Variants in YTHDF3 observed in about 807,000 individuals in gnomAD.
The protein encoded by YTHDF3 is YTH N6-methyladenosine RNA binding protein F3, also known as YTH domain-containing family protein 3.
A neutral mutation model predicts 52.5 loss-of-function variants in YTHDF3; 9 were observed. The ratio of observed to expected loss-of-function variants is 0.17; its 90% CI spans 0.10 to 0.30. The LOEUF is 0.30. YTHDF3 is among the 10% of genes least tolerant of loss of function. The pLI is 1.00. For synonymous variants in YTHDF3, 274 were observed against 243.3 expected (o/e 1.13, Z -1.18); for missense variants, 534 against 715.0 (o/e 0.75, Z 2.89).
rs1808540441 is a variant in YTHDF3, at chr8:63,186,821, A to G, written c.810A>G (p.Ile270Met). The G allele has an allele frequency of 1.9e-6, 3 of 1,614,016 alleles. No individual in the cohort carries two copies. The highest frequency in any genetic ancestry group is 2.2e-5 in the East Asian group (1 of 44,886). ...IGGSAVPPPP[I>M]KHNMNIGTWD... ...GTTCTGCTGTACCACCACCTCCTAT[A>G]AAACACAACATGAATATTGGAACTT... The change falls in exon 4 of 5, where the codon ATA becomes ATG. Residue 270 changes from isoleucine (I) to methionine (M), a missense_variant. This residue lies in a region of YTHDF3 where 203 missense variants were observed against 201.3 expected (regional missense o/e 1.01). Transcript: ENST00000539294.
At position 63,173,819 on chromosome 8, in the gene YTHDF3, C is replaced by G. The variant is rs550938431; in HGVS notation, c.50-1512C>G. The G allele has an allele frequency of 2.3e-5, 7 of 299,592 alleles. No homozygotes were observed. In the South Asian group the frequency reaches 6.4e-4, roughly 27 times the overall value. The allele number at this position is 299,592 out of a possible 1,614,324, so 18.6% of individuals were successfully genotyped here. ...TCCATGGAGCATATTTAGCTCAATCCTAGTTCTGATGCAGTCCTTATCAGA... is the reference window on the plus strand; with the variant it reads ...TCCATGGAGCATATTTAGCTCAATCGTAGTTCTGATGCAGTCCTTATCAGA... On this transcript the variant is annotated intron_variant, in intron 2 of 4. Transcript: ENST00000539294.
chr8:63,169,652 A>G (rs1368719392), intron 2 of YTHDF3, among the ~76,000 whole-genome samples: 1 of 152,164 alleles, frequency 6.6e-6, no homozygotes, highest in African/African-American at 2.4e-5. Context: ...TTAAGCAGGT[A>G]TTGGTGTGAA....
At chr8:63,184,595 A>C (rs775099023) in intron 3 of YTHDF3, among the ~76,000 whole-genome samples, 3 of 152,248 alleles carry the variant, frequency 2.0e-5, no homozygotes, top group Admixed American at 6.5e-5. Flanking sequence ...AAAATAATTT[A>C]AAATTAGTTC....
At chr8:63,208,369 A>G (rs555597232) in intron 4 of YTHDF3, among the ~76,000 whole-genome samples, 41 of 152,352 alleles carry the variant, frequency 2.7e-4, no homozygotes, top group African/African-American at 9.4e-4. Flanking sequence ...CACTTGCAAA[A>G]TACGATTTAT....
intron 4 of YTHDF3, among the ~76,000 whole-genome samples, chr8:63,199,934 C>T (rs552456179): frequency 6.6e-6 from 1 of 152,220 alleles, no homozygotes; most frequent in South Asian, 2.1e-4. Context: ...GAATTGCTGT[C>T]TCAGTTATTT....
chr8:63,200,294 A>T (rs952903933), intron 4 of YTHDF3, among the ~76,000 whole-genome samples: 1 of 152,194 alleles, frequency 6.6e-6, no homozygotes, highest in African/African-American at 2.4e-5. Flanking sequence ...AGAGGGCAAT[A>T]GAGTAAGCTG....
rs776264240 is a variant in YTHDF3, at chr8:63,194,979, A to T, written c.1734+7234A>T. ...CAACAAACAAGGACTTTAAAAACCT[A>T]ATTTCATCTCTTGTCATTGCTAGAT... On this transcript the variant is annotated intron_variant, in intron 4 of 4. Transcript: ENST00000539294. 5.8e-4 allele frequency among the ~76,000 whole-genome samples: 88 copies of T among 152,300 alleles called. 2 individuals are homozygous for T. The highest frequency in any genetic ancestry group is 3.7e-3 in the Admixed American group (56 of 15,296).
At position 63,187,702 on chromosome 8, in the gene YTHDF3, C is replaced by T; in HGVS notation, c.1691C>T (p.Ala564Val). The T allele has an allele frequency of 6.2e-7, 1 of 1,611,240 alleles. No individual in the cohort carries two copies. Among genetic ancestry groups the T allele is most frequent in the Non-Finnish European group, 8.5e-7 (1 of 1,178,556 alleles). ...KHTTSIFDDFAHYEKRQEEEE... is the reference protein window; with the variant it reads ...KHTTSIFDDFVHYEKRQEEEE... ...ACCACCTCAATCTTTGATGACTTTG[C>T]ACATTATGAAAAGCGTCAAGAAGAG... The change falls in exon 4 of 5, where the codon GCA becomes GTA. Residue 564 changes from alanine to valine, a missense_variant. Ala to Val is a moderately conservative substitution (Grantham distance 64). Transcript: ENST00000539294.
At chr8:63,181,552 A>G (rs937180784) in intron 3 of YTHDF3, among the ~76,000 whole-genome samples, 2 of 152,204 alleles carry the variant, frequency 1.3e-5, no homozygotes, top group Non-Finnish European at 2.9e-5. Context: ...TGTATGTTTT[A>G]TACAGACGTG....
Position 63,200,409 on chromosome 8 carries a change from CTTTTTCTTT to C in YTHDF3, c.1735-9259_1735-9251del, listed in dbSNP as rs540540652. On this transcript the variant is annotated intron_variant, in intron 4 of 4. Coordinates refer to ENST00000539294, the MANE Select transcript of YTHDF3 (RefSeq NM_152758.6). The stretch of plus-strand genomic sequence containing the variant: ...AATTTTTTTTTAAATTTTTAAATTT[CTTTTTCTTT>C]TTTTTCTTTTTTTTTTCCTTATTCT... Among the ~76,000 whole-genome samples, 422 of 151,748 alleles carry C rather than the reference CTTTTTCTTT, an allele frequency of 2.8e-3. 1 individual carries two copies. The highest frequency in any genetic ancestry group is 4.0e-3 in the Non-Finnish European group (270 of 67,914).
intron 4 of YTHDF3, among the ~76,000 whole-genome samples, chr8:63,199,370 A>G (rs899893371): frequency 6.6e-6 from 1 of 152,310 alleles, no homozygotes; most frequent in East Asian, 1.9e-4. Context: ...CCCTCCATAT[A>G]GGCATGTTTT....
At chr8:63,169,964 ATT>A (rs1807183093) in intron 2 of YTHDF3, among the ~76,000 whole-genome samples, 1 of 152,210 alleles carries the variant, frequency 6.6e-6, no homozygotes, top group African/African-American at 2.4e-5. Flanking sequence ...TCTATCTGGT[ATT>A]TTATAAAGGG....
Position 63,187,245 on chromosome 8 carries a change from A to G in YTHDF3, c.1234A>G (p.Asn412Asp). 1 of 1,614,058 alleles carries G rather than the reference A, an allele frequency of 6.2e-7. No homozygotes were observed. The highest frequency in any genetic ancestry group is 8.5e-7 in the Non-Finnish European group (1 of 1,179,910). ...NNYNPKDFDW[N>D]LKNGRVFIIK... ...CTATAATCCCAAAGACTTTGATTGGAATCTGAAGAATGGACGTGTGTTTAT... is the reference window on the plus strand; with the variant it reads ...CTATAATCCCAAAGACTTTGATTGGGATCTGAAGAATGGACGTGTGTTTAT... The change falls in exon 4 of 5, where the codon AAT becomes GAT. Residue 412 changes from asparagine to aspartate, a missense_variant. Around this residue, in one of 3 missense-constraint regions of YTHDF3, gnomAD observed 203 missense variants for 201.3 expected, o/e 1.01. Coordinates refer to ENST00000539294, the MANE Select transcript of YTHDF3 (RefSeq NM_152758.6).
chr8:63,200,692 G>A (rs924514332), intron 4 of YTHDF3, among the ~76,000 whole-genome samples: 4 of 151,964 alleles, frequency 2.6e-5, no homozygotes, highest in Non-Finnish European at 5.9e-5. Flanking sequence ...ATGATTATCA[G>A]GTTTTCAAAT....
chr8:63,193,009 G>A (rs1809009986), intron 4 of YTHDF3, among the ~76,000 whole-genome samples: 1 of 152,044 alleles, frequency 6.6e-6, no homozygotes. Flanking sequence ...GGGGGAGGCA[G>A]CACTAATTGC....
At chr8:63,185,193 G>A (rs1458361699) in intron 3 of YTHDF3, among the ~76,000 whole-genome samples, 5 of 150,824 alleles carry the variant, frequency 3.3e-5, no homozygotes, top group Admixed American at 2.0e-4. Context: ...TTTTTTTTGC[G>A]TAAGAAACTT....
intron 4 of YTHDF3, 129 bp downstream of exon 4, chr8:63,187,874 C>A: frequency 9.6e-7 from 1 of 1,043,416 alleles, no homozygotes; most frequent in Non-Finnish European, 1.4e-6. Flanking sequence ...TACAAACACC[C>A]TTGAAGGTAT....
At chr8:63,204,817 T>C (rs1040328990) in intron 4 of YTHDF3, among the ~76,000 whole-genome samples, 19 of 152,234 alleles carry the variant, frequency 1.2e-4, no homozygotes, top group African/African-American at 4.6e-4. Flanking sequence ...ACAGTGACTT[T>C]TTCCTTTGTG....
intron 3 of YTHDF3, among the ~76,000 whole-genome samples, chr8:63,179,873 G>A (rs1807969407): frequency 6.7e-6 from 1 of 149,880 alleles, no homozygotes; most frequent in South Asian, 2.1e-4. Flanking sequence ...CCCCCCGGAT[G>A]GGGCGGCCGG....
Sources: gnomAD v4.1 joint callset for allele counts (sites outside exome capture counted in the v4.1 genomes callset) on GRCh38, gnomAD v4.1.1 for gene constraint, gnomAD v4.1.1 regional missense constraint, MANE v1.5 for transcripts, NCBI Gene and HGNC (gene_info 2026-07-23, HGNC 2026-07-21) for gene names.